The following ABAT variants were observed in gnomAD, a reference collection of about 807,000 sequenced individuals.
ABAT encodes the protein 4-aminobutyrate aminotransferase, mitochondrial.
In ABAT, 45 loss-of-function variants were observed where a neutral mutation model predicts 64.6. The ratio of observed to expected loss-of-function variants is 0.70; its 90% confidence interval spans 0.55 to 0.89. The LOEUF (loss-of-function observed/expected upper bound fraction) is 0.89. Ranked by LOEUF, ABAT falls within the 40% of genes least tolerant of loss-of-function variation. The pLI, the probability that ABAT is intolerant of heterozygous loss-of-function variation, is 0.00. For missense variants in ABAT, 633 were observed against 658.4 expected (o/e 0.96, Z 0.42); for synonymous variants, 297 against 250.5 (o/e 1.19, Z -1.75).
At chr16:8,701,513 C>T (rs1437341468) in intron 1 of ABAT, among the ~76,000 whole-genome samples, 4 of 152,234 alleles carry the variant, frequency 2.6e-5, no homozygotes, top group Non-Finnish European at 4.4e-5. Flanking sequence ...TGGACCCCAC[C>T]TCTGCTCTTC....
chr16:8,773,034 A>C, intron 12 of ABAT, 117 bp downstream of exon 12: 2 of 1,415,720 alleles, frequency 1.4e-6, no homozygotes, highest in Non-Finnish European at 2.0e-6. Flanking sequence ...AGACTTGCAG[A>C]GGCTGTCTGT....
At chr16:8,757,864 T>C (rs1302761652) in intron 6 of ABAT, 58 bp downstream of exon 6, 8 of 1,552,442 alleles carry the variant, frequency 5.2e-6, no homozygotes, top group Non-Finnish European at 8.9e-7. Flanking sequence ...ATTCACAGAA[T>C]CACTGGGCAG....
intron 14 of ABAT, 128 bp from the exon 15 acceptor site, chr16:8,779,351 G>A (rs2060363664): frequency 1.3e-6 from 1 of 758,364 alleles, no homozygotes; most frequent in Admixed American, 2.0e-5. Flanking sequence ...TAACCCCCTG[G>A]AGGTCCTGCC....
chr16:8,765,338 A>C (rs1163811899), intron 8 of ABAT, among the ~76,000 whole-genome samples: 2 of 148,464 alleles, frequency 1.3e-5, no homozygotes, highest in Non-Finnish European at 3.0e-5. Context: ...CCTGTCTCAA[A>C]AAAAAAAAAA....
At chr16:8,731,956 T>C (rs1055443727) in intron 1 of ABAT, among the ~76,000 whole-genome samples, 7 of 151,980 alleles carry the variant, frequency 4.6e-5, no homozygotes, top group Non-Finnish European at 8.8e-5. Context: ...CGAGTTGAAG[T>C]GATTCTCCTG....
Position 8,764,726 on chromosome 16 carries a change from C to T in ABAT, c.448-12C>T. 1 of 1,613,424 alleles carries T rather than the reference C, an allele frequency of 6.2e-7. No individual in the cohort carries two copies. The highest frequency in any genetic ancestry group is 8.5e-7 in the Non-Finnish European group (1 of 1,179,412). Reference sequence around the variant, plus strand: ...GATGAGCCTGGGCTCACGGCTATTTCCCTCCCCACAGGTGGCTCCCAAAGG... The same window carrying T: ...GATGAGCCTGGGCTCACGGCTATTTTCCTCCCCACAGGTGGCTCCCAAAGG... On this transcript the variant is annotated splice_polypyrimidine_tract_variant and intron_variant, in intron 7 of 15. Transcript: ENST00000268251. This position sits in a 1 kb window ranked among gnomAD's most constrained non-coding sequence, Gnocchi z 4.2.
intron 1 of ABAT, among the ~76,000 whole-genome samples, chr16:8,712,455 G>A (rs992680258): frequency 6.6e-6 from 1 of 152,140 alleles, no homozygotes; most frequent in Non-Finnish European, 1.5e-5. Context: ...CGGCTTTGCT[G>A]TGCATTGGAA....
chr16:8,770,452 T>A (rs550236519), intron 11 of ABAT, among the ~76,000 whole-genome samples: 1 of 151,848 alleles, frequency 6.6e-6, no homozygotes, highest in African/African-American at 2.4e-5. Context: ...TCTTTTGTTT[T>A]GTTTGAGACA....
chr16:8,766,518 A>G (rs1273404), intron 9 of ABAT, among the ~76,000 whole-genome samples: 150,821 of 152,226 alleles, frequency 0.99, 74,722 homozygotes, highest in Middle Eastern at 1. Context: ...ACCCGGGCAT[A>G]GTGGCACATG....
At chr16:8,731,771 A>T (rs1309780203) in intron 1 of ABAT, among the ~76,000 whole-genome samples, 2 of 152,134 alleles carry the variant, frequency 1.3e-5, no homozygotes, top group East Asian at 3.8e-4. Context: ...TCATCCTGCA[A>T]ACTGAAACTC....
intron 5 of ABAT, among the ~76,000 whole-genome samples, chr16:8,753,449 C>T (rs1370783909): frequency 6.6e-6 from 1 of 152,194 alleles, no homozygotes; most frequent in African/African-American, 2.4e-5. Flanking sequence ...CCTGCCCTGC[C>T]CTGAAATGTG....
intron 1 of ABAT, among the ~76,000 whole-genome samples, chr16:8,709,958 C>A (rs1028554539): frequency 2.0e-5 from 3 of 152,042 alleles, no homozygotes; most frequent in African/African-American, 7.2e-5. Context: ...CGTATGCTGC[C>A]ACTCATAGCT....
intron 1 of ABAT, among the ~76,000 whole-genome samples, chr16:8,716,499 T>G (rs2058219991): frequency 6.6e-6 from 1 of 152,056 alleles, no homozygotes; most frequent in African/African-American, 2.4e-5. Flanking sequence ...CTGAAGGGTG[T>G]TTTTTCTTCT....
chr16:8,735,041 C>G (rs928683621), intron 1 of ABAT, among the ~76,000 whole-genome samples: 3 of 50,752 alleles, frequency 5.9e-5, no homozygotes, highest in Non-Finnish European at 1.5e-4. Flanking sequence ...AACCCCATCT[C>G]TACTTAAAAA....
Position 8,764,482 on chromosome 16 carries a change from C to G in ABAT, c.448-256C>G, listed in dbSNP as rs181174765. Among the ~76,000 whole-genome samples, 119 of 152,346 alleles carry G rather than the reference C, an allele frequency of 7.8e-4. 1 individual carries two copies. The East Asian group carries it at 0.02, about 25-fold the overall frequency. On this transcript the variant is annotated intron_variant, in intron 7 of 15. Coordinates refer to ENST00000268251, the MANE Select transcript of ABAT (RefSeq NM_020686.6). This position sits in a 1 kb window ranked among gnomAD's most constrained non-coding sequence, Gnocchi z 4.2. ...CGTCCCGCCTGGAACGTGTAGGTGTCTTAGACAGTGGCAGGTGCATCAGGA... is the reference window on the plus strand; with the variant it reads ...CGTCCCGCCTGGAACGTGTAGGTGTGTTAGACAGTGGCAGGTGCATCAGGA...
rs544504059 is a variant in ABAT at position 8,724,300 on chromosome 16, T to A, written c.-41-11399T>A. On this transcript the variant is annotated intron_variant, in intron 1 of 15. Transcript: ENST00000268251. ...TGCTTCCTGCTAACAGGTCAAAAAATAATGAAAAATAAAAAATAAGTAAAG... is the reference window on the plus strand; with the variant it reads ...TGCTTCCTGCTAACAGGTCAAAAAAAAATGAAAAATAAAAAATAAGTAAAG... Among the ~76,000 whole-genome samples, 18 of 152,178 alleles carry A rather than the reference T, an allele frequency of 1.2e-4. No homozygotes were observed. The South Asian group carries it at 2.5e-3, about 21-fold the overall frequency.
At position 8,764,048 on chromosome 16, in the gene ABAT, T is replaced by A. The variant is rs746125148; in HGVS notation, c.367-21T>A. The A allele has an allele frequency of 1.9e-6, 3 of 1,612,480 alleles. No homozygotes were observed. The highest frequency in any genetic ancestry group is 2.5e-6 in the Non-Finnish European group (3 of 1,178,692). On this transcript the variant is annotated intron_variant, in intron 6 of 15. Transcript: ENST00000268251. The surrounding 1 kb of genome is among the most constrained non-coding windows in gnomAD (Gnocchi z 4.2). ...GGGTCAGGCCCCCAGAAGTCACCAT[T>A]TGTCTCTTGCCCTTTTGCAGAGCAT...
At chr16:8,754,040 T>C (rs2059568073) in intron 5 of ABAT, among the ~76,000 whole-genome samples, 2 of 151,708 alleles carry the variant, frequency 1.3e-5, no homozygotes, top group African/African-American at 4.8e-5. Context: ...TGACATAAAG[T>C]CTCCTTTCAA....
chr16:8,691,765 G>C (rs9923953), intron 1 of ABAT, among the ~76,000 whole-genome samples: 1 of 152,180 alleles, frequency 6.6e-6, no homozygotes, highest in Admixed American at 6.5e-5. Flanking sequence ...GCAAGGTCTG[G>C]AGATGCTTTT....
Sources: gnomAD v4.1 joint callset for allele counts (sites outside exome capture counted in the v4.1 genomes callset) on GRCh38, gnomAD v4.1.1 for gene constraint, Gnocchi (gnomAD v3.1) non-coding constraint, MANE v1.5 for transcripts, NCBI Gene and HGNC (gene_info 2026-07-23, HGNC 2026-07-21) for gene names.